GPC4: variants seen among roughly 807,000 people sequenced by gnomAD.
GPC4 encodes the protein glypican 4.
In GPC4, 10 loss-of-function variants were observed where a neutral mutation model predicts 35.0. The ratio of observed to expected loss-of-function variants is 0.29; its 90% confidence interval spans 0.18 to 0.48. The LOEUF is 0.48. GPC4 is among the 20% of genes least tolerant of loss of function. GPC4 has a pLI of 0.99. For synonymous variants in GPC4, 167 were observed against 170.2 expected, an observed-to-expected ratio of 0.98 and a Z score of 0.15; for missense variants, 322 against 451.3, an observed-to-expected ratio of 0.71 and a Z score of 2.60.
chrX:133,325,801 A>T (rs1206123996), intron 2 of GPC4, among the ~76,000 whole-genome samples: 5 of 112,026 alleles, frequency 4.5e-5, no homozygotes, highest in African/African-American at 1.6e-4. Flanking sequence ...GGCAACTCAG[A>T]GACTGGCCAC....
chrX:133,378,747 GAC>G (rs199621756), intron 1 of GPC4, among the ~76,000 whole-genome samples: 1,536 of 110,968 alleles, frequency 0.014, 36 homozygotes, highest in African/African-American at 0.048. Context: ...ACTATTACCT[GAC>G]ACAGAGGAAG....
intron 1 of GPC4, among the ~76,000 whole-genome samples, chrX:133,391,653 A>C (rs2068720342): frequency 8.9e-6 from 1 of 112,068 alleles, no homozygotes; most frequent in Non-Finnish European, 1.9e-5. Context: ...AGAAAAGAAT[A>C]CATTCTACTA....
At chrX:133,401,341 C>G (rs1162947931) in intron 1 of GPC4, among the ~76,000 whole-genome samples, 2 of 111,206 alleles carry the variant, frequency 1.8e-5, no homozygotes, top group Admixed American at 9.6e-5. Context: ...AGAGCCAGAG[C>G]CAGAGAGCTA....
At chrX:133,372,647 G>T (rs2068617929) in intron 1 of GPC4, among the ~76,000 whole-genome samples, 1 of 111,919 alleles carries the variant, frequency 8.9e-6, no homozygotes, top group Admixed American at 9.5e-5. Context: ...GAGCATTTTA[G>T]GCTTCTGCTT....
At chrX:133,396,359 T>A (rs1256348365) in intron 1 of GPC4, among the ~76,000 whole-genome samples, 2 of 111,949 alleles carry the variant, frequency 1.8e-5, no homozygotes, top group African/African-American at 6.5e-5. Context: ...CAATTTATAT[T>A]TGGCAAAATG....
At chrX:133,324,963 T>C (rs2068384638) in intron 2 of GPC4, among the ~76,000 whole-genome samples, 1 of 111,878 alleles carries the variant, frequency 8.9e-6, no homozygotes, top group Non-Finnish European at 1.9e-5. Flanking sequence ...GCCTTCTAAT[T>C]GTAACCTAAG....
Position 133,312,602 on chromosome X carries a change from CTG to C in GPC4, c.712-1181_712-1180del, listed in dbSNP as rs746762565. Among the ~76,000 whole-genome samples, 67 of 108,124 alleles carry C rather than the reference CTG, an allele frequency of 6.2e-4. 4 individuals carry two copies. In the East Asian group the frequency reaches 0.016, roughly 25 times the overall value. The allele number at this position is 108,124 out of a possible 115,157, so 93.9% of individuals were successfully genotyped here. On this transcript the variant is annotated intron_variant, in intron 3 of 8. Coordinates refer to ENST00000370828, the MANE Select transcript of GPC4 (RefSeq NM_001448.3). The stretch of plus-strand genomic sequence containing the variant: ...CGAGATCTCACCACTACACTCCAGC[CTG>C]TGTGACAGAGTGAGACTCTGTCTCA...
chrX:133,364,963 T>C (rs1443788338), intron 1 of GPC4, among the ~76,000 whole-genome samples: 2 of 111,804 alleles, frequency 1.8e-5, no homozygotes, highest in East Asian at 2.8e-4. Flanking sequence ...GTGGGTAAAA[T>C]GTCATTCTTG....
chrX:133,405,626 T>C (rs2068784262), intron 1 of GPC4, among the ~76,000 whole-genome samples: 1 of 111,900 alleles, frequency 8.9e-6, no homozygotes, highest in Non-Finnish European at 1.9e-5. Flanking sequence ...CTCTCACTTC[T>C]TCCAGATGTC....
chrX:133,342,809 G>GTT (rs59935665), intron 1 of GPC4, among the ~76,000 whole-genome samples: 4 of 106,361 alleles, frequency 3.8e-5, no homozygotes, highest in African/African-American at 1.4e-4. Flanking sequence ...AACTAATTAA[G>GTT]TTTTTTTTTT....
At chrX:133,349,795 A>G (rs1297088214) in intron 1 of GPC4, among the ~76,000 whole-genome samples, 1 of 110,699 alleles carries the variant, frequency 9.0e-6, no homozygotes, top group East Asian at 2.9e-4. Context: ...TAATTTTTGT[A>G]TTTTTTGTAG....
chrX:133,342,046 T>C (rs900249579), intron 1 of GPC4, among the ~76,000 whole-genome samples: 32 of 101,379 alleles, frequency 3.2e-4, no homozygotes, highest in Admixed American at 1.7e-3. Context: ...TTTTTTTTTT[T>C]TTTTTTTTGA....
intron 1 of GPC4, among the ~76,000 whole-genome samples, chrX:133,396,627 T>C (rs1298494488): frequency 8.9e-6 from 1 of 111,907 alleles, no homozygotes; most frequent in African/African-American, 3.2e-5. Context: ...AAAACAAATA[T>C]CCTGTCCTAA....
rs2068832755 is a variant in GPC4, at chrX:133,415,100, G to A, written c.-135C>T. The A allele has an allele frequency of 4.8e-6, 3 of 624,082 alleles. No individual in the cohort carries two copies. The highest frequency in any genetic ancestry group is 4.8e-6 in the Non-Finnish European group (2 of 417,363). The allele number at this position is 624,082 out of a possible 1,213,427, so 51.4% of individuals were successfully genotyped here. On this transcript the variant is annotated 5_prime_UTR_variant, in exon 1 of 9. Coordinates refer to ENST00000370828, the MANE Select transcript of GPC4 (RefSeq NM_001448.3). ...GGAGAAGGAGTTGGAGTTGGTGGAA[G>A]AGGCGAGCAGGCGGAGGAGACGCGG...
chrX:133,322,588 T>C (rs927664041), intron 3 of GPC4, among the ~76,000 whole-genome samples: 18 of 108,991 alleles, frequency 1.7e-4, no homozygotes, highest in African/African-American at 6.0e-4. Flanking sequence ...CTGTTGTCTG[T>C]GAATAATTTG....
intron 1 of GPC4, among the ~76,000 whole-genome samples, chrX:133,363,620 C>G (rs1465330752): frequency 9.0e-6 from 1 of 111,276 alleles, no homozygotes. Context: ...TAATGTCCTG[C>G]TGGGCATGTT....
chrX:133,325,320 G>A (rs1331874472), intron 2 of GPC4, among the ~76,000 whole-genome samples: 1 of 110,240 alleles, frequency 9.1e-6, no homozygotes, highest in Non-Finnish European at 1.9e-5. Flanking sequence ...GAGAGCACAT[G>A]CATAATGGAC....
chrX:133,354,854 C>T (rs1460379668), intron 1 of GPC4, among the ~76,000 whole-genome samples: 1 of 111,586 alleles, frequency 9.0e-6, no homozygotes, highest in Non-Finnish European at 1.9e-5. Context: ...AGGCGTGAGC[C>T]ACCGCGCCCG....
At chrX:133,394,050 A>C (rs1273615996) in intron 1 of GPC4, among the ~76,000 whole-genome samples, 3 of 111,016 alleles carry the variant, frequency 2.7e-5, no homozygotes, top group African/African-American at 6.5e-5. Flanking sequence ...GTGGGCAGAT[A>C]ACTTGAGGTC....
Sources: allele counts gnomAD v4.1 joint callset (sites outside exome capture counted in the v4.1 genomes callset), GRCh38; gene constraint gnomAD v4.1.1; transcripts MANE v1.5; gene names NCBI Gene and HGNC (gene_info 2026-07-23, HGNC 2026-07-21).